SLC30A10: variants seen among roughly 807,000 people sequenced by gnomAD.
The protein encoded by SLC30A10 is solute carrier family 30 member 10.
SLC30A10 carries 8 observed loss-of-function variants against 21.7 expected under a neutral mutation model. The ratio of observed to expected loss-of-function variants is 0.37; its 90% confidence interval spans 0.22 to 0.67. The LOEUF is 0.67. Among genes scored for constraint, SLC30A10 ranks in the 30% least tolerant of loss-of-function variants. SLC30A10 has a pLI of 0.58. For missense variants in SLC30A10, 521 were observed against 642.5 expected, an observed-to-expected ratio of 0.81 and a Z score of 2.04; for synonymous variants, 272 against 279.4, an observed-to-expected ratio of 0.97 and a Z score of 0.26.
intron 1 of SLC30A10, among the ~76,000 whole-genome samples, chr1:219,942,890 C>A (rs1012730450): frequency 6.6e-6 from 1 of 152,056 alleles, no homozygotes; most frequent in Non-Finnish European, 1.5e-5. Context: ...ACTGAAAATA[C>A]AAAAATTTGC....
At chr1:219,932,705 CTTTTTTTTTTTTTT>C, upstream of SLC30A10, among the ~76,000 whole-genome samples, 1 of 64,912 alleles carries the variant, frequency 1.5e-5, no homozygotes, top group South Asian at 7.5e-4. Context: ...AGTAACCATT[CTTTTTTTTTTTTTT>C]TTTTTTTTTT....
chr1:219,942,304 A>G (rs1193114556), intron 1 of SLC30A10, among the ~76,000 whole-genome samples: 2 of 152,244 alleles, frequency 1.3e-5, no homozygotes, highest in Non-Finnish European at 2.9e-5. Context: ...TGACAGCCAC[A>G]TGATCATGGA....
rs1659894535 is a variant in SLC30A10, at chr1:219,928,188, T to C, written c.253A>G (p.Asn85Asp). The C allele has an allele frequency of 6.4e-7, 1 of 1,559,198 alleles. No individual in the cohort carries two copies. The highest frequency in any genetic ancestry group is 8.7e-7 in the Non-Finnish European group (1 of 1,151,714). ...CAGAGCGCGGTGAGGAAGACCGCGT[T>C]GCTCAGCGCGCCCACCACCTCGGCG... is the stretch of plus-strand genomic sequence containing the variant. ...ARAEVVGALSNAVFLTALCFT... is the reference protein window; with the variant it reads ...ARAEVVGALSDAVFLTALCFT... Residue 85 changes from asparagine (N) to aspartate (D), a missense_variant, in exon 1 of 4, where the codon AAC becomes GAC. Physicochemically the swap from Asn to Asp is conservative, Grantham distance 23 (BLOSUM62 1). Transcript: ENST00000366926. This position sits in a 1 kb window ranked among gnomAD's most constrained non-coding sequence, Gnocchi z 6.3.
At chr1:219,952,251 T>G (rs1056223748) in intron 1 of SLC30A10, among the ~76,000 whole-genome samples, 30 of 152,192 alleles carry the variant, frequency 2.0e-4, no homozygotes, top group African/African-American at 5.6e-4. Context: ...TGTTGAGTAC[T>G]TTACACAAAT....
chr1:219,937,579 C>T (rs1435712196), intron 1 of SLC30A10, among the ~76,000 whole-genome samples: 1 of 152,172 alleles, frequency 6.6e-6, no homozygotes, highest in Non-Finnish European at 1.5e-5. Context: ...TTTTGGGATG[C>T]CAAGGCGGGC....
rs1659392495 is a variant in SLC30A10 at position 219,910,783 on chromosome 1, G to T, written c.*4666C>A. Reference sequence around the variant, plus strand: ...GTCTGGCATGGCTTTGTACTAAGAGGTGACAGTTGATCATCTAGCAAACAT... The same window carrying T: ...GTCTGGCATGGCTTTGTACTAAGAGTTGACAGTTGATCATCTAGCAAACAT... On this transcript the variant is annotated 3_prime_UTR_variant, in exon 4 of 4. Coordinates refer to ENST00000366926, the MANE Select transcript of SLC30A10 (RefSeq NM_018713.3). Among the ~76,000 whole-genome samples, 1 of 152,158 alleles carries T rather than the reference G, an allele frequency of 6.6e-6. No homozygotes were observed. The highest frequency in any genetic ancestry group is 2.1e-4 in the South Asian group (1 of 4,830).
upstream of SLC30A10, among the ~76,000 whole-genome samples, chr1:219,932,554 A>G (rs1282016431): frequency 6.6e-6 from 1 of 152,120 alleles, no homozygotes; most frequent in Admixed American, 6.6e-5. Flanking sequence ...TTGTGGATGA[A>G]GTCAGCTCCT....
In SLC30A10 at chr1:219,936,901, G is replaced by A. The variant is rs539509304; in HGVS notation, n.81-9796C>T. 3.3e-5 allele frequency among the ~76,000 whole-genome samples: 5 copies of A among 152,232 alleles called. 1 individual carries two copies. The East Asian group carries it at 9.6e-4, about 29-fold the overall frequency. On this transcript the variant is annotated intron_variant and non_coding_transcript_variant, in intron 1 of 8. Transcript: ENST00000484239. ...TACCTGTAATTCTGAAAGTGGCTTA[G>A]CCACAGTTCTATATTCAAATTGATT...
chr1:219,918,540 C>A lies in SLC30A10; in HGVS notation c.719-46G>T. ...TGCAGCACAGATGCAAATCTGGAAGCCACGTGACACTCACTGACTTGGGTG... is the reference window on the plus strand; with the variant it reads ...TGCAGCACAGATGCAAATCTGGAAGACACGTGACACTCACTGACTTGGGTG... On this transcript the variant is annotated intron_variant, in intron 2 of 3. Transcript: ENST00000366926. This position sits in a 1 kb window ranked among gnomAD's most constrained non-coding sequence, Gnocchi z 4.4. 6.5e-7 allele frequency: 1 copy of A among 1,528,048 alleles called. No individual in the cohort carries two copies. The allele number at this position is 1,528,048 out of a possible 1,614,324, so 94.7% of individuals were successfully genotyped here. A position where few individuals can be genotyped will look rare whatever the true frequency, so the allele number is the denominator to read the frequency against.
At position 219,912,324 on chromosome 1, in the gene SLC30A10, C is replaced by T. The variant is rs1038738880; in HGVS notation, c.*3125G>A. ...GGAGCCTGTGGGTATTCATAATGGC[C>T]CAATATCATGAAAAAAATTAATTAT... is the stretch of plus-strand genomic sequence containing the variant. On this transcript the variant is annotated 3_prime_UTR_variant, in exon 4 of 4. Coordinates refer to ENST00000366926, the MANE Select transcript of SLC30A10 (RefSeq NM_018713.3). Among the ~76,000 whole-genome samples the T allele has an allele frequency of 6.6e-6, 1 of 151,574 alleles. No homozygotes were observed. Among genetic ancestry groups the T allele is most frequent in the Non-Finnish European group, 1.5e-5 (1 of 67,942 alleles).
At chr1:219,925,451 T>G (rs1234104324) in intron 2 of SLC30A10, among the ~76,000 whole-genome samples, 1 of 150,572 alleles carries the variant, frequency 6.6e-6, no homozygotes, top group East Asian at 2.0e-4. Flanking sequence ...CAAGGATCAC[T>G]TGAACCTGGT....
intron 1 of SLC30A10, among the ~76,000 whole-genome samples, chr1:219,943,256 A>G (rs1416375443): frequency 1.3e-5 from 2 of 152,214 alleles, no homozygotes; most frequent in African/African-American, 4.8e-5. Flanking sequence ...TCATAAATGA[A>G]AAGTAGATTA....
intron 1 of SLC30A10, among the ~76,000 whole-genome samples, chr1:219,936,307 C>T (rs748460286): frequency 1.3e-4 from 20 of 152,130 alleles, no homozygotes; most frequent in Non-Finnish European, 2.5e-4. Flanking sequence ...AAATAAAAGG[C>T]ATTATTGCTG....
intron 1 of SLC30A10, among the ~76,000 whole-genome samples, chr1:219,948,379 A>G (rs1425705701): frequency 6.6e-6 from 1 of 152,096 alleles, no homozygotes; most frequent in African/African-American, 2.4e-5. Flanking sequence ...AGGCTACAGT[A>G]ACCAAAACAG....
At chr1:219,923,084 G>C (rs182275701) in intron 2 of SLC30A10, among the ~76,000 whole-genome samples, 3 of 152,308 alleles carry the variant, frequency 2.0e-5, no homozygotes, top group Admixed American at 2.0e-4. Context: ...GAAATGTCTA[G>C]AAAGGAGTAT....
At chr1:219,932,705 C>CTTTTTTT (rs58052957), upstream of SLC30A10, among the ~76,000 whole-genome samples, 5 of 64,912 alleles carry the variant, frequency 7.7e-5, 1 homozygote, top group Non-Finnish European at 1.6e-4. Context: ...AGTAACCATT[C>CTTTTTTT]TTTTTTTTTT....
chr1:219,952,206 C>T (rs920150425), intron 1 of SLC30A10, among the ~76,000 whole-genome samples: 1 of 152,146 alleles, frequency 6.6e-6, no homozygotes, highest in Admixed American at 6.5e-5. Flanking sequence ...ACCAATGTTA[C>T]CATTTATTGA....
chr1:219,915,912 A>T lies in SLC30A10; in HGVS notation c.995T>A (p.Val332Glu). The change falls in exon 4 of 4, where the codon GTA becomes GAA. Residue 332 changes from valine to glutamate, a missense_variant. By Grantham distance (121) the Val-to-Glu change is moderately radical. Coordinates refer to ENST00000366926, the MANE Select transcript of SLC30A10 (RefSeq NM_018713.3). ...KLSAVPGISS[V>E]HEVHIWELVS... ...AAGTTCCCAGATGTGCACTTCATGT[A>T]CACTGCTAATTCCAGGCACAGCAGA... 6.2e-7 allele frequency: 1 copy of T among 1,614,170 alleles called. No individual in the cohort carries two copies. The highest frequency in any genetic ancestry group is 8.5e-7 in the Non-Finnish European group (1 of 1,180,036).
At chr1:219,920,671 G>A (rs576034081) in intron 2 of SLC30A10, among the ~76,000 whole-genome samples, 22 of 152,190 alleles carry the variant, frequency 1.4e-4, no homozygotes, top group Admixed American at 2.6e-4. Flanking sequence ...TGATTTAAGC[G>A]TATTATACTT....
Sources: gnomAD v4.1 joint callset for allele counts (sites outside exome capture counted in the v4.1 genomes callset) on GRCh38, gnomAD v4.1.1 for gene constraint, Gnocchi (gnomAD v3.1) non-coding constraint, MANE v1.5 for transcripts, NCBI Gene and HGNC (gene_info 2026-07-23, HGNC 2026-07-21) for gene names.